MYH9: variants seen among roughly 807,000 people sequenced by gnomAD.
MYH9 encodes myosin-9.
In MYH9, 29 loss-of-function variants were observed where a neutral mutation model predicts 241.9. That is an observed-to-expected ratio of 0.12 (90% confidence interval 0.09 to 0.16). The LOEUF (loss-of-function observed/expected upper bound fraction) is 0.16, where lower values mean the gene tolerates loss of function less well. Ranked by LOEUF, MYH9 falls within the 10% of genes least tolerant of loss-of-function variation. The pLI is 1.00. For synonymous variants in MYH9, 1,047 were observed against 1,062.6 expected (o/e 0.99, Z 0.29); for missense variants, 1,803 against 2,595.5 (o/e 0.69, Z 6.63).
chr22:36,358,307 C>A (rs572332774), intron 1 of MYH9, among the ~76,000 whole-genome samples: 3 of 152,168 alleles, frequency 2.0e-5, no homozygotes, highest in African/African-American at 7.2e-5. Context: ...TCAGGCAATC[C>A]GCCCGCCTTG....
intron 9 of MYH9, 57 bp from the exon 10 acceptor site, chr22:36,319,692 G>A (rs1173315977): frequency 1.9e-6 from 3 of 1,539,298 alleles, no homozygotes; most frequent in Admixed American, 1.7e-5. Flanking sequence ...TGATTCCCGG[G>A]GGTGGGGGCC....
Position 36,286,598 on chromosome 22 carries a change from C to T in MYH9, c.5061+120G>A, listed in dbSNP as rs986299458. On this transcript the variant is annotated intron_variant, in intron 35 of 40. Transcript: ENST00000216181. ...GGGAATCCTTATGTAACCTGAGAGC[C>T]ATCCCCAGCCAATTCCTGGAGCCCA... is the stretch of plus-strand genomic sequence containing the variant. 2.1e-6 allele frequency: 3 copies of T among 1,418,294 alleles called. No homozygotes were observed. In the African/African-American group the frequency reaches 4.3e-5, roughly 20 times the overall value. The allele number at this position is 1,418,294 out of a possible 1,614,324, so 87.9% of individuals were successfully genotyped here. A position where few individuals can be genotyped will look rare whatever the true frequency, so the allele number is the denominator to read the frequency against.
At chr22:36,323,233 C>A (rs1056891242) in intron 5 of MYH9, among the ~76,000 whole-genome samples, 1 of 152,190 alleles carries the variant, frequency 6.6e-6, no homozygotes, top group Non-Finnish European at 1.5e-5. Flanking sequence ...GACAGAGCAG[C>A]CCCATTTCAC....
chr22:36,335,549 T>G (rs1326682751), intron 3 of MYH9, among the ~76,000 whole-genome samples: 1 of 152,236 alleles, frequency 6.6e-6, no homozygotes, highest in Non-Finnish European at 1.5e-5. Flanking sequence ...TTGAAGCTTT[T>G]TCCTGAGCCT....
In MYH9 at chr22:36,300,140, C is replaced by T. The variant is rs1325954970; in HGVS notation, c.2963G>A (p.Cys988Tyr). 1 of 1,611,962 alleles carries T rather than the reference C, an allele frequency of 6.2e-7. No individual in the cohort carries two copies. The highest frequency in any genetic ancestry group is 8.5e-7 in the Non-Finnish European group (1 of 1,180,004). The change falls in exon 23 of 41, where the codon TGC (cysteine) becomes TAC (tyrosine). Residue 988 changes from cysteine to tyrosine, a missense_variant. Cys to Tyr is a radical substitution (Grantham distance 194, BLOSUM62 -2). Transcript: ENST00000216181. The surrounding 1 kb of genome is among the most constrained non-coding windows in gnomAD (Gnocchi z 5.0). ...EEQIILEDQN[C>Y]KLAKEKKLLE... ...CACGGGCCTCACCTTGGCCAGCTTGCAGTTCTGGTCCTCCAGGATGATCTG... is the reference window on the plus strand; with the variant it reads ...CACGGGCCTCACCTTGGCCAGCTTGTAGTTCTGGTCCTCCAGGATGATCTG...
At chr22:36,304,928 G>T in intron 18 of MYH9, 105 bp downstream of exon 18, 2 of 1,140,260 alleles carry the variant, frequency 1.8e-6, no homozygotes, top group Non-Finnish European at 2.6e-6. Context: ...ACACAGCCTG[G>T]GCATCCACCG....
chr22:36,375,959 T>C (rs1012656866), intron 1 of MYH9, among the ~76,000 whole-genome samples: 2 of 139,350 alleles, frequency 1.4e-5, no homozygotes, highest in South Asian at 2.3e-4. Flanking sequence ...TAATTTCTTT[T>C]TTTTTTTTTT....
chr22:36,302,825 TTGAGA>T (rs1204316798), intron 19 of MYH9, 149 bp from the exon 20 acceptor site: 4 of 689,948 alleles, frequency 5.8e-6, no homozygotes, highest in African/African-American at 3.5e-5. Context: ...GGCCTTGGGG[TTGAGA>T]TAAGTTTCTC....
At position 36,316,577 on chromosome 22, in the gene MYH9, G is replaced by A; in HGVS notation, c.1320C>T (p.Thr440=). 1 of 1,614,136 alleles carries A rather than the reference G, an allele frequency of 6.2e-7. No homozygotes were observed. Among genetic ancestry groups the A allele is most frequent in the Non-Finnish European group, 8.5e-7 (1 of 1,180,024 alleles). Residue 440 remains threonine (T), a synonymous_variant, in exon 12 of 41, where the codon ACC becomes ACT. Coordinates refer to ENST00000216181, the MANE Select transcript of MYH9 (RefSeq NM_002473.6). ...VLRINKALDK[T]KRQGASFIGI... ...CGATGAAGGAGGCGCCCTGCCTCTT[G>A]GTCTTGTCCAGAGCCTTGTTGATGC...
Position 36,351,418 on chromosome 22 carries a change from C to T in MYH9, c.-19-2163G>A, listed in dbSNP as rs1260834734. Among the ~76,000 whole-genome samples, 4 of 152,288 alleles carry T rather than the reference C, an allele frequency of 2.6e-5. No homozygotes were observed. The East Asian group carries it at 7.7e-4, about 29-fold the overall frequency. ...AGACAGGAACGGTGGCTGTGAACTG[C>T]CTGGCCGCCCCTCGTCTTTGCTGCG... On this transcript the variant is annotated intron_variant, in intron 1 of 40. Transcript: ENST00000216181.
At chr22:36,355,303 C>A (rs1423879009) in intron 1 of MYH9, among the ~76,000 whole-genome samples, 2 of 152,176 alleles carry the variant, frequency 1.3e-5, no homozygotes, top group Non-Finnish European at 2.9e-5. Flanking sequence ...CTTCTTTCAA[C>A]CCAAAATGTA....
At chr22:36,325,043 G>A (rs966836347) in intron 5 of MYH9, 2 of 764,696 alleles carry the variant, frequency 2.6e-6, no homozygotes, top group Admixed American at 3.5e-5. Context: ...CTTGGGAAAT[G>A]GATTTTACTG....
chr22:36,381,937 C>T (rs991691964), intron 1 of MYH9, among the ~76,000 whole-genome samples: 4 of 152,114 alleles, frequency 2.6e-5, no homozygotes, highest in African/African-American at 9.7e-5. Flanking sequence ...AGAATATAGT[C>T]GGAAGGAGTA....
intron 1 of MYH9, among the ~76,000 whole-genome samples, chr22:36,379,221 A>G (rs965700292): frequency 3.3e-5 from 5 of 152,316 alleles, no homozygotes; most frequent in Middle Eastern, 3.4e-3. Flanking sequence ...AAAATTGTAC[A>G]GAGAGGCCAG....
intron 4 of MYH9, 45 bp from the exon 5 acceptor site, chr22:36,326,706 T>A: frequency 6.6e-7 from 1 of 1,516,620 alleles, no homozygotes; most frequent in Admixed American, 1.7e-5. Flanking sequence ...CATGGCCAAG[T>A]CCTTGACCTC....
chr22:36,346,840 A>G (rs1218511028), intron 2 of MYH9, among the ~76,000 whole-genome samples: 1 of 152,106 alleles, frequency 6.6e-6, no homozygotes, highest in Non-Finnish European at 1.5e-5. Flanking sequence ...TCCTGAGCTC[A>G]AGCCATCCTC....
chr22:36,319,480 G>C, intron 10 of MYH9, 60 bp downstream of exon 10: 1 of 1,520,078 alleles, frequency 6.6e-7, no homozygotes, highest in Non-Finnish European at 9.1e-7. Context: ...CTTCCCTCCT[G>C]AGCAAATCCA....
intron 1 of MYH9, among the ~76,000 whole-genome samples, chr22:36,363,886 C>T (rs928140071): frequency 2.6e-5 from 4 of 152,214 alleles, no homozygotes; most frequent in African/African-American, 9.7e-5. Context: ...CCCACACCCC[C>T]AGGAGGGGGA....
chr22:36,320,264 A>G lies in MYH9; in HGVS notation c.968T>C (p.Met323Thr), dbSNP rs1364094810. 2 of 1,614,072 alleles carry G rather than the reference A, an allele frequency of 1.2e-6. No homozygotes were observed. Among genetic ancestry groups the G allele is most frequent in the Non-Finnish European group, 1.7e-6 (2 of 1,180,032 alleles). ...GATGCCCATAATCCTCATGGCCTCC[A>G]TGGTCTCCTGGAACATGTCCTTGTC... ...QQDKDMFQET[M>T]EAMRIMGIPE... is the part of the protein sequence containing the mutation. The change falls in exon 9 of 41, where the codon ATG (methionine) becomes ACG (threonine). Residue 323 changes from methionine (M) to threonine (T), a missense_variant. Transcript: ENST00000216181. This position sits in a 1 kb window ranked among gnomAD's most constrained non-coding sequence, Gnocchi z 4.8.
Sources: gnomAD v4.1 joint callset for allele counts (sites outside exome capture counted in the v4.1 genomes callset) on GRCh38, gnomAD v4.1.1 for gene constraint, Gnocchi (gnomAD v3.1) non-coding constraint, MANE v1.5 for transcripts, NCBI Gene and HGNC (gene_info 2026-07-23, HGNC 2026-07-21) for gene names.